Variants in LRRTM4 observed in about 807,000 individuals in gnomAD.
The protein encoded by LRRTM4 is leucine-rich repeat transmembrane neuronal protein 4.
A neutral mutation model predicts 47.6 loss-of-function variants in LRRTM4; 25 were observed. The ratio of observed to expected loss-of-function variants is 0.53; its 90% confidence interval spans 0.38 to 0.73. LRRTM4 has a LOEUF of 0.73. LRRTM4 is among the 30% of genes least tolerant of loss of function. The probability of loss-of-function intolerance (pLI) is 0.00; values close to 1 mark genes in which losing one functional copy is unlikely to be tolerated. For missense variants in LRRTM4, 638 were observed against 713.4 expected (o/e 0.89, Z 1.20); for synonymous variants, 311 against 269.5 (o/e 1.15, Z -1.51).
chr2:76,817,019 T>A (rs76519736), intron 3 of LRRTM4, among the ~76,000 whole-genome samples: 4,048 of 151,786 alleles, frequency 0.027, 178 homozygotes, highest in East Asian at 0.08. Flanking sequence ...AGCCAGATTG[T>A]TCTATTGAAT....
intron 3 of LRRTM4, among the ~76,000 whole-genome samples, chr2:77,159,188 CA>C (rs79273529): frequency 0.23 from 34,911 of 152,088 alleles, 5,059 homozygotes; most frequent in Non-Finnish European, 0.32. Context: ...GTGCTAACTC[CA>C]ATGTATTCAA....
intron 3 of LRRTM4, among the ~76,000 whole-genome samples, chr2:76,799,982 GC>G (rs1490520967): frequency 6.6e-6 from 1 of 151,724 alleles, no homozygotes; most frequent in East Asian, 1.9e-4. Context: ...AACATTCCAT[GC>G]TCGTGGGTAG....
chr2:77,067,686 T>TACACACACACAC (rs3058033), intron 3 of LRRTM4, among the ~76,000 whole-genome samples: 3,965 of 140,604 alleles, frequency 0.028, 127 homozygotes, highest in African/African-American at 0.072. Context: ...CAAAGATACG[T>TACACACACACAC]ACACACACAC....
intron 3 of LRRTM4, among the ~76,000 whole-genome samples, chr2:77,376,837 C>G (rs1672859233): frequency 6.6e-6 from 1 of 151,826 alleles, no homozygotes; most frequent in South Asian, 2.1e-4. Flanking sequence ...ATACTCTACT[C>G]TTTGGAAACC....
At chr2:77,342,151 T>C (rs1181613546) in intron 3 of LRRTM4, among the ~76,000 whole-genome samples, 1 of 151,952 alleles carries the variant, frequency 6.6e-6, no homozygotes, top group Non-Finnish European at 1.5e-5. Flanking sequence ...GAAAGTATTT[T>C]AAATATGTTT....
chr2:76,878,466 A>G (rs1233630355), intron 3 of LRRTM4, among the ~76,000 whole-genome samples: 1 of 152,146 alleles, frequency 6.6e-6, no homozygotes, highest in Non-Finnish European at 1.5e-5. Context: ...AGGACAGTCC[A>G]AAAGGTAGGC....
chr2:76,898,553 CAAAAAAAA>C (rs56345618), intron 3 of LRRTM4, among the ~76,000 whole-genome samples: 1 of 63,550 alleles, frequency 1.6e-5, no homozygotes, highest in African/African-American at 6.0e-5. Context: ...AGCTCCGTCT[CAAAAAAAA>C]AAAAAAAAAA....
intron 3 of LRRTM4, among the ~76,000 whole-genome samples, chr2:77,511,466 T>C (rs1355327189): frequency 6.6e-6 from 1 of 151,926 alleles, no homozygotes; most frequent in Non-Finnish European, 1.5e-5. Context: ...ATATTTTATT[T>C]CCATGTACAA....
intron 3 of LRRTM4, among the ~76,000 whole-genome samples, chr2:77,217,468 T>TATATATATATATATATACAC (rs1338917871): frequency 7.4e-6 from 1 of 134,248 alleles, no homozygotes; most frequent in African/African-American, 2.9e-5. Flanking sequence ...TATATATATA[T>TATATATATATATATATACAC]ACTAAGCCTT....
At chr2:77,185,080 A>G (rs1573050897) in intron 3 of LRRTM4, among the ~76,000 whole-genome samples, 1 of 152,256 alleles carries the variant, frequency 6.6e-6, no homozygotes, top group African/African-American at 2.4e-5. Flanking sequence ...ACCCATCACC[A>G]TCACTCACTC....
chr2:76,776,225 C>T (rs1673985566), intron 3 of LRRTM4, among the ~76,000 whole-genome samples: 2 of 152,142 alleles, frequency 1.3e-5, no homozygotes, highest in African/African-American at 4.8e-5. Flanking sequence ...CATACATGTG[C>T]ATGTGTCTTT....
At chr2:77,490,625 A>T (rs79838803) in intron 3 of LRRTM4, among the ~76,000 whole-genome samples, 2 of 85,946 alleles carry the variant, frequency 2.3e-5, no homozygotes, top group Non-Finnish European at 5.3e-5. Context: ...CAAAAATAAT[A>T]AAAAAAAACA....
chr2:76,959,560 T>C (rs918666942), intron 3 of LRRTM4, among the ~76,000 whole-genome samples: 6 of 151,762 alleles, frequency 4.0e-5, no homozygotes, highest in Admixed American at 1.3e-4. Flanking sequence ...ATATACTCCT[T>C]AATTTCAAAA....
chr2:76,875,898 A>G (rs1037679889), intron 3 of LRRTM4, among the ~76,000 whole-genome samples: 12 of 152,276 alleles, frequency 7.9e-5, no homozygotes, highest in African/African-American at 2.6e-4. Flanking sequence ...GAGTTTCCCT[A>G]TAAAAATGTG....
rs546375218 is a variant in LRRTM4 at position 77,036,546 on chromosome 2, C to G, written c.1552-287630G>C. 9.3e-4 allele frequency among the ~76,000 whole-genome samples: 141 copies of G among 151,676 alleles called. 1 individual carries two copies. The highest frequency in any genetic ancestry group is 3.4e-3 in the Middle Eastern group (1 of 294). On this transcript the variant is annotated intron_variant, in intron 3 of 3. Coordinates refer to ENST00000409884, the MANE Select transcript of LRRTM4 (RefSeq NM_001134745.3). Reference sequence around the variant, plus strand: ...ATAGGCTTCCTACAATCCTTATCATCATTTACTTCTTGACATTCTCTAAAT... The same window carrying G: ...ATAGGCTTCCTACAATCCTTATCATGATTTACTTCTTGACATTCTCTAAAT...
At chr2:76,960,487 T>C (rs17333884) in intron 3 of LRRTM4, among the ~76,000 whole-genome samples, 19,938 of 151,664 alleles carry the variant, frequency 0.13, 1,672 homozygotes, top group Admixed American at 0.21. Context: ...CTCTTTATTA[T>C]TTCTCTTCTC....
chr2:77,188,413 A>G (rs972772939), intron 3 of LRRTM4, among the ~76,000 whole-genome samples: 7 of 152,110 alleles, frequency 4.6e-5, no homozygotes, highest in Non-Finnish European at 4.4e-5. Flanking sequence ...CTCTACTCCT[A>G]GTTTCATTAA....
intron 3 of LRRTM4, among the ~76,000 whole-genome samples, chr2:76,909,405 A>C (rs1673967863): frequency 6.6e-6 from 1 of 152,162 alleles, no homozygotes; most frequent in Non-Finnish European, 1.5e-5. Context: ...AAGAAAACCT[A>C]GGCATTACCA....
At chr2:77,151,524 A>C (rs933054346) in intron 3 of LRRTM4, among the ~76,000 whole-genome samples, 2 of 152,190 alleles carry the variant, frequency 1.3e-5, no homozygotes, top group African/African-American at 4.8e-5. Flanking sequence ...ATGTGGAACA[A>C]CCCAAGTGTT....
Sources: allele counts gnomAD v4.1 joint callset (sites outside exome capture counted in the v4.1 genomes callset), GRCh38; gene constraint gnomAD v4.1.1; transcripts MANE v1.5; gene names NCBI Gene and HGNC (gene_info 2026-07-23, HGNC 2026-07-21).